The following PPHLN1 variants were observed in gnomAD, a reference collection of about 807,000 sequenced individuals.
The protein encoded by PPHLN1 is periphilin-1.
In PPHLN1, 29 loss-of-function variants were observed where a neutral mutation model predicts 51.3. That is an observed-to-expected ratio of 0.57 (90% CI 0.42 to 0.77). PPHLN1 has a LOEUF of 0.77. Among genes scored for constraint, PPHLN1 ranks in the 30% least tolerant of loss-of-function variants. The probability of loss-of-function intolerance (pLI) is 0.00; values close to 1 mark genes in which losing one functional copy is unlikely to be tolerated. For synonymous variants in PPHLN1, 147 were observed against 147.8 expected, an observed-to-expected ratio of 0.99 and a Z score of 0.04; for missense variants, 436 against 438.4, an observed-to-expected ratio of 0.99 and a Z score of 0.05.
At chr12:42,411,329 T>A (rs745384110) in intron 9 of PPHLN1, among the ~76,000 whole-genome samples, 6 of 129,330 alleles carry the variant, frequency 4.6e-5, no homozygotes, top group African/African-American at 8.6e-5. Context: ...CACTTGTGGC[T>A]GACTGCCGCA....
downstream of PPHLN1, chr12:42,447,366 C>G (rs2083365320): frequency 6.6e-6 from 1 of 152,272 alleles, no homozygotes; most frequent in South Asian, 2.1e-4. Flanking sequence ...TGTTCTGCTG[C>G]CTTTTACGTT....
chr12:42,393,203 A>G (rs1237921023), intron 7 of PPHLN1, among the ~76,000 whole-genome samples: 1 of 152,172 alleles, frequency 6.6e-6, no homozygotes, highest in Non-Finnish European at 1.5e-5. Flanking sequence ...TGAAATTTAG[A>G]CATTACTTAT....
Position 42,441,615 on chromosome 12 carries a change from C to G in PPHLN1, c.*106C>G. The G allele has an allele frequency of 7.4e-7, 1 of 1,344,516 alleles. No individual in the cohort carries two copies. Among genetic ancestry groups the G allele is most frequent in the Non-Finnish European group, 9.6e-7 (1 of 1,038,188 alleles). 83.3% of individuals were successfully genotyped at this position (1,344,516 alleles called of 1,614,324 possible). On this transcript the variant is annotated 3_prime_UTR_variant, in exon 10 of 10. Coordinates refer to ENST00000358314, the MANE Select transcript of PPHLN1 (RefSeq NM_201439.2). ...GGAATTTTTGTGATGCAGAGAAATACTTTATGATAGTTGACAACATTTCAG... is the reference window on the plus strand; with the variant it reads ...GGAATTTTTGTGATGCAGAGAAATAGTTTATGATAGTTGACAACATTTCAG...
chr12:42,429,727 A>G (rs2081861281), intron 9 of PPHLN1, among the ~76,000 whole-genome samples: 1 of 152,218 alleles, frequency 6.6e-6, no homozygotes, highest in Admixed American at 6.5e-5. Flanking sequence ...TGTGGCAGGC[A>G]CATTTATCTG....
intron 9 of PPHLN1, chr12:42,432,046 T>A: frequency 6.4e-7 from 1 of 1,560,714 alleles, no homozygotes; most frequent in Non-Finnish European, 8.8e-7. Context: ...ACAGAACTGA[T>A]GGAGGATTTG....
At chr12:42,431,311 T>C (rs142539886) in intron 9 of PPHLN1, among the ~76,000 whole-genome samples, 2 of 152,314 alleles carry the variant, frequency 1.3e-5, no homozygotes, top group East Asian at 3.9e-4. Flanking sequence ...ATATTAAAAA[T>C]GTAACAAAAG....
Position 42,393,693 on chromosome 12 carries a change from AGGCATAAT to A in PPHLN1, c.768+6_768+13del, listed in dbSNP as rs1330939474. 8 of 1,583,642 alleles carry A rather than the reference AGGCATAAT, an allele frequency of 5.1e-6. No individual in the cohort carries two copies. The highest frequency in any genetic ancestry group is 6.8e-6 in the Non-Finnish European group (8 of 1,171,216). ...GCCTGAAATTTCTGAGTATGAGGTA[AGGCATAAT>A]GTCTCCTTTATGTTTCACATCTGAA... On this transcript the variant is annotated splice_donor_5th_base_variant and intron_variant, in intron 8 of 9. Coordinates refer to ENST00000358314, the MANE Select transcript of PPHLN1 (RefSeq NM_201439.2).
At chr12:42,438,239 A>G (rs575183631) in intron 9 of PPHLN1, among the ~76,000 whole-genome samples, 1 of 152,280 alleles carries the variant, frequency 6.6e-6, no homozygotes, top group African/African-American at 2.4e-5. Flanking sequence ...TTTGTAAGAA[A>G]CTGCTGGACT....
chr12:42,360,458 C>CTTTTTTTTTTTTTTTTTTTTTTTTT (rs71084642), intron 4 of PPHLN1, among the ~76,000 whole-genome samples: 4 of 56,292 alleles, frequency 7.1e-5, no homozygotes, highest in African/African-American at 1.5e-4. Flanking sequence ...ATGCTGAATT[C>CTTTTTTTTTTTTTTTTTTTTTTTTT]TTTTTTTTTT....
At chr12:42,417,978 C>T (rs559204433) in intron 9 of PPHLN1, among the ~76,000 whole-genome samples, 4 of 113,334 alleles carry the variant, frequency 3.5e-5, no homozygotes, top group South Asian at 3.1e-4. Flanking sequence ...CTCGCTCTGT[C>T]GCCCAGGCTG....
chr12:42,345,724 T>C (rs968540416), intron 2 of PPHLN1, among the ~76,000 whole-genome samples: 4 of 151,886 alleles, frequency 2.6e-5, no homozygotes. Context: ...ATTCAAGATT[T>C]GAAATATCTG....
intron 9 of PPHLN1, among the ~76,000 whole-genome samples, chr12:42,424,179 C>T (rs1309166084): frequency 2.0e-5 from 3 of 152,138 alleles, no homozygotes; most frequent in Non-Finnish European, 4.4e-5. Context: ...CCCAGAAGGC[C>T]AGGTAACATC....
rs143810817 is a variant in PPHLN1, at chr12:42,330,692, G to A, written c.-21+4463G>A. Reference sequence around the variant, plus strand: ...TCTCAAGGCAAAACAATTGTTCAGGGTACAGATCTTTTTTTGTTTGTTTGT... The same window carrying A: ...TCTCAAGGCAAAACAATTGTTCAGGATACAGATCTTTTTTTGTTTGTTTGT... On this transcript the variant is annotated intron_variant, in intron 1 of 9. Coordinates refer to ENST00000358314, the MANE Select transcript of PPHLN1 (RefSeq NM_201439.2). Among the ~76,000 whole-genome samples, 21 of 152,240 alleles carry A rather than the reference G, an allele frequency of 1.4e-4. No individual in the cohort carries two copies. The East Asian group carries it at 4.1e-3, about 29-fold the overall frequency.
intron 1 of PPHLN1, 108 bp from the exon 2 acceptor site, chr12:42,335,775 C>G: frequency 4.6e-5 from 13 of 280,976 alleles, no homozygotes; most frequent in Non-Finnish European, 6.9e-5. Context: ...TTTTTTTTCT[C>G]TTAAGATCTC....
At chr12:42,416,051 T>C (rs2080353231) in intron 9 of PPHLN1, among the ~76,000 whole-genome samples, 1 of 152,210 alleles carries the variant, frequency 6.6e-6, no homozygotes, top group South Asian at 2.1e-4. Flanking sequence ...TAAAAGGTTC[T>C]ACATAAAGGT....
chr12:42,371,058 C>T (rs374377079), intron 4 of PPHLN1, among the ~76,000 whole-genome samples: 11 of 151,276 alleles, frequency 7.3e-5, no homozygotes, highest in Non-Finnish European at 1.3e-4. Flanking sequence ...CGCCCTGCCT[C>T]GGCCTCCCAA....
At chr12:42,427,506 A>G (rs2081604928) in intron 9 of PPHLN1, among the ~76,000 whole-genome samples, 1 of 151,936 alleles carries the variant, frequency 6.6e-6, no homozygotes, top group African/African-American at 2.4e-5. Context: ...GCAAACAAAA[A>G]CATAAAGTGG....
chr12:42,380,307 G>T (rs2076645738), intron 5 of PPHLN1, among the ~76,000 whole-genome samples: 1 of 151,972 alleles, frequency 6.6e-6, no homozygotes, highest in African/African-American at 2.4e-5. Context: ...TATTTTGTTT[G>T]TTTGGCCTTT....
rs11181430 is a variant in PPHLN1, at chr12:42,337,144, G to T, written c.72+1170G>T. On this transcript the variant is annotated intron_variant, in intron 2 of 9. Transcript: ENST00000358314. ...TTATTTATATTTTTTACTTGATAAG[G>T]TTATTCTGTAGTTTACCTGTAGGGA... Among the ~76,000 whole-genome samples the T allele has an allele frequency of 5.7e-3, 867 of 151,256 alleles. 6 individuals are homozygous for T. The highest frequency in any genetic ancestry group is 0.02 in the African/African-American group (830 of 41,260).
Sources: allele counts gnomAD v4.1 joint callset (sites outside exome capture counted in the v4.1 genomes callset), GRCh38; gene constraint gnomAD v4.1.1; transcripts MANE v1.5; gene names NCBI Gene and HGNC (gene_info 2026-07-23, HGNC 2026-07-21).